The following SV2C variants were observed in gnomAD, a reference collection of about 807,000 sequenced individuals.
The protein encoded by SV2C is solute carrier family 22 member B3.
A neutral mutation model predicts 79.7 loss-of-function variants in SV2C; 49 were observed. The observed-to-expected ratio is 0.61, with a 90% CI of 0.49 to 0.78. The LOEUF (loss-of-function observed/expected upper bound fraction) is 0.78. SV2C is among the 30% of genes least tolerant of loss of function. SV2C has a pLI of 0.00. For synonymous variants in SV2C, 334 were observed against 333.2 expected, an observed-to-expected ratio of 1.00 and a Z score of -0.03; for missense variants, 833 against 912.9, an observed-to-expected ratio of 0.91 and a Z score of 1.13.
At chr5:76,107,304 GC>G (rs1488331224) in intron 1 of SV2C, among the ~76,000 whole-genome samples, 1 of 152,160 alleles carries the variant, frequency 6.6e-6, no homozygotes. Context: ...AGAGCTTGTT[GC>G]TTTTGTGAAT....
In SV2C at chr5:76,277,395, C is replaced by T. The variant is rs541274168; in HGVS notation, c.914-7767C>T. The stretch of plus-strand genomic sequence containing the variant: ...AACTAAATGTGATATATTTACACAA[C>T]GGAATACTACAACACAATGAAAAAG... On this transcript the variant is annotated intron_variant, in intron 4 of 12. Transcript: ENST00000502798. 1.7e-3 allele frequency among the ~76,000 whole-genome samples: 263 copies of T among 152,282 alleles called. 1 individual carries two copies. The highest frequency in any genetic ancestry group is 5.9e-3 in the African/African-American group (247 of 41,546).
At chr5:75,998,360 C>T in the SV2C span, among the ~76,000 whole-genome samples, 1 of 151,866 alleles carries the variant, frequency 6.6e-6, no homozygotes, top group African/African-American at 2.4e-5. Context: ...AAAAAAAGTC[C>T]CATGGGTAGT....
At chr5:76,104,891 G>A (rs1468293690) in intron 1 of SV2C, among the ~76,000 whole-genome samples, 3 of 152,292 alleles carry the variant, frequency 2.0e-5, no homozygotes, top group African/African-American at 7.2e-5. Context: ...CTTCACCCCA[G>A]AAGAGGCAGT....
At position 76,301,378 on chromosome 5, in the gene SV2C, G is replaced by A. The variant is rs775708618; in HGVS notation, c.1841-8G>A. 20 of 1,613,522 alleles carry A rather than the reference G, an allele frequency of 1.2e-5. No homozygotes were observed. In the Admixed American group the frequency reaches 3.3e-4, roughly 27 times the overall value. On this transcript the variant is annotated splice_region_variant and splice_polypyrimidine_tract_variant and intron_variant, in intron 11 of 12. Coordinates refer to ENST00000502798, the MANE Select transcript of SV2C (RefSeq NM_014979.4). ...AACATTCCAGCCTTTTGTCTGCATT[G>A]TTGGCAGGTGGCTCTATGGTGCTTT...
chr5:76,157,848 AC>A (rs1742779671), intron 2 of SV2C, among the ~76,000 whole-genome samples: 1 of 151,886 alleles, frequency 6.6e-6, no homozygotes, highest in East Asian at 1.9e-4. Context: ...ATAAGAATGT[AC>A]TATTGGGCTT....
chr5:76,122,931 G>A (rs1048396072), intron 1 of SV2C, among the ~76,000 whole-genome samples: 1 of 152,106 alleles, frequency 6.6e-6, no homozygotes, highest in Non-Finnish European at 1.5e-5. Flanking sequence ...GAATCCAGGA[G>A]CTGGTTTTTT....
chr5:76,194,208 A>G (rs565622040), intron 2 of SV2C, among the ~76,000 whole-genome samples: 1 of 152,298 alleles, frequency 6.6e-6, no homozygotes, highest in African/African-American at 2.4e-5. Flanking sequence ...AAAGACTCCC[A>G]AGTCTTTAGA....
chr5:76,045,502 G>A, the SV2C span, among the ~76,000 whole-genome samples: 1 of 152,102 alleles, frequency 6.6e-6, no homozygotes, highest in South Asian at 2.1e-4. Flanking sequence ...ATTACCTTGG[G>A]CAGTGTGATC....
At chr5:75,898,762 T>C in the SV2C span, among the ~76,000 whole-genome samples, 1 of 152,326 alleles carries the variant, frequency 6.6e-6, no homozygotes, top group South Asian at 2.1e-4. Context: ...TATTGGTCTA[T>C]TCAGAGATTC....
chr5:76,034,980 AGTGTATGT>A, the SV2C span, among the ~76,000 whole-genome samples: 1 of 151,890 alleles, frequency 6.6e-6, no homozygotes, highest in African/African-American at 2.4e-5. Context: ...GTCTTGGGAG[AGTGTATGT>A]GTTGAGGAAT....
At chr5:76,010,989 G>T in the SV2C span, among the ~76,000 whole-genome samples, 1 of 152,138 alleles carries the variant, frequency 6.6e-6, no homozygotes, top group Non-Finnish European at 1.5e-5. Context: ...AAGCAAAGCT[G>T]CGTGTTTTCA....
At chr5:76,235,701 TTC>T (rs199583028) in intron 4 of SV2C, among the ~76,000 whole-genome samples, 11 of 145,518 alleles carry the variant, frequency 7.6e-5, no homozygotes, top group African/African-American at 3.1e-4. Context: ...AAGATTTTTT[TTC>T]AAGCATAATA....
At chr5:76,159,565 G>A (rs1361411543) in intron 2 of SV2C, among the ~76,000 whole-genome samples, 1 of 152,134 alleles carries the variant, frequency 6.6e-6, no homozygotes, top group Non-Finnish European at 1.5e-5. Flanking sequence ...GAGACACTGA[G>A]TAGAATCCTT....
At chr5:75,936,462 G>C in the SV2C span, among the ~76,000 whole-genome samples, 1 of 152,172 alleles carries the variant, frequency 6.6e-6, no homozygotes, top group Non-Finnish European at 1.5e-5. Context: ...TTAATAGTAT[G>C]TAAAGGTTCA....
At chr5:75,927,977 T>C in the SV2C span, among the ~76,000 whole-genome samples, 3 of 152,206 alleles carry the variant, frequency 2.0e-5, no homozygotes, top group Non-Finnish European at 4.4e-5. Context: ...GAGTGTAACT[T>C]TCATCGAGTG....
chr5:75,905,523 C>G, the SV2C span, among the ~76,000 whole-genome samples: 1 of 152,156 alleles, frequency 6.6e-6, no homozygotes, highest in East Asian at 1.9e-4. Flanking sequence ...TCAGATGGCT[C>G]TTAAAACAAG....
the SV2C span, among the ~76,000 whole-genome samples, chr5:76,034,278 A>T: frequency 6.6e-6 from 1 of 152,088 alleles, no homozygotes; most frequent in Non-Finnish European, 1.5e-5. Flanking sequence ...AGAACTTCCA[A>T]CACTATGTTG....
At chr5:75,963,151 G>C in the SV2C span, among the ~76,000 whole-genome samples, 3 of 152,098 alleles carry the variant, frequency 2.0e-5, no homozygotes, top group Non-Finnish European at 4.4e-5. Context: ...GAGAGTGAAC[G>C]TCTTTCATAT....
At chr5:75,972,705 A>G in the SV2C span, among the ~76,000 whole-genome samples, 1 of 152,100 alleles carries the variant, frequency 6.6e-6, no homozygotes, top group Non-Finnish European at 1.5e-5. Context: ...GTGGAGAAAC[A>G]GGAACACTTT....
Sources: gnomAD v4.1 joint callset for allele counts (sites outside exome capture counted in the v4.1 genomes callset) on GRCh38, gnomAD v4.1.1 for gene constraint, MANE v1.5 for transcripts, NCBI Gene and HGNC (gene_info 2026-07-23, HGNC 2026-07-21) for gene names.